CADPS: variants seen among roughly 807,000 people sequenced by gnomAD.
CADPS encodes the protein calcium dependent secretion activator, also known as calcium-dependent secretion activator 1.
Under a neutral mutation model 167.3 loss-of-function variants are expected in CADPS, and 57 were observed. The ratio of observed to expected loss-of-function variants is 0.34; its 90% CI spans 0.28 to 0.42. CADPS has a LOEUF of 0.42. Among genes scored for constraint, CADPS ranks in the 20% least tolerant of loss-of-function variants. The pLI is 1.00. For synonymous variants in CADPS, 676 were observed against 635.3 expected (o/e 1.06, Z -0.96); for missense variants, 1,414 against 1,738.1 (o/e 0.81, Z 3.32).
At chr3:62,729,356 G>A (rs756693714) in intron 3 of CADPS, among the ~76,000 whole-genome samples, 45 of 151,962 alleles carry the variant, frequency 3.0e-4, no homozygotes, top group Admixed American at 8.5e-4. Flanking sequence ...AGGATAGAAG[G>A]CATTTGCAAA....
At chr3:62,414,515 CA>C (rs1377952198) in intron 28 of CADPS, among the ~76,000 whole-genome samples, 2 of 152,214 alleles carry the variant, frequency 1.3e-5, no homozygotes, top group Admixed American at 1.3e-4. Flanking sequence ...TTAAATGCCT[CA>C]AAATGATCTT....
At chr3:62,620,779 C>G (rs1408147253) in intron 6 of CADPS, among the ~76,000 whole-genome samples, 1 of 152,154 alleles carries the variant, frequency 6.6e-6, no homozygotes, top group Non-Finnish European at 1.5e-5. Context: ...CCTTGCTCTC[C>G]CATTAGAGCT....
intron 3 of CADPS, among the ~76,000 whole-genome samples, chr3:62,737,712 T>C (rs149483256): frequency 1.3e-5 from 2 of 152,298 alleles, no homozygotes; most frequent in African/African-American, 4.8e-5. Context: ...CCATCCACAC[T>C]GATCTTATGT....
In CADPS at chr3:62,466,351, G is replaced by T. The variant is rs758318798; in HGVS notation, c.3540C>A (p.Leu1180=). The change falls in exon 25 of 30, where the codon CTC becomes CTA. Residue 1180 remains leucine (L), a synonymous_variant. Transcript: ENST00000383710. ...AGCTGGAGGTTACCTTTGCAACCAA[G>T]AGTGTTATCATTTCTTTAACAGTTT... ...IEETVKEMIT[L]LVAKFVTILE... The T allele has an allele frequency of 1.9e-6, 3 of 1,610,274 alleles. No homozygotes were observed. The highest frequency in any genetic ancestry group is 2.5e-6 in the Non-Finnish European group (3 of 1,176,654).
At chr3:62,512,562 T>C (rs1193259324) in intron 17 of CADPS, among the ~76,000 whole-genome samples, 189 bp downstream of exon 17, 1 of 152,106 alleles carries the variant, frequency 6.6e-6, no homozygotes, top group African/African-American at 2.4e-5. Flanking sequence ...GAAATTCTGC[T>C]CTATAAAGGT....
chr3:62,778,394 A>T (rs1440574891), intron 1 of CADPS, among the ~76,000 whole-genome samples: 1 of 152,196 alleles, frequency 6.6e-6, no homozygotes, highest in Non-Finnish European at 1.5e-5. Context: ...TTAAGCTATT[A>T]ATGCTATTTA....
intron 1 of CADPS, among the ~76,000 whole-genome samples, chr3:62,770,988 C>T (rs1228663885): frequency 6.6e-6 from 1 of 152,130 alleles, no homozygotes; most frequent in African/African-American, 2.4e-5. Flanking sequence ...TGGGTAGTAT[C>T]CCATTTTACA....
At chr3:62,680,079 G>A (rs1344117379) in intron 3 of CADPS, among the ~76,000 whole-genome samples, 7 of 151,974 alleles carry the variant, frequency 4.6e-5, no homozygotes, top group Non-Finnish European at 7.4e-5. Flanking sequence ...AGGGAGCACC[G>A]TAATCAGGTT....
intron 3 of CADPS, among the ~76,000 whole-genome samples, chr3:62,737,256 C>G (rs1354758754): frequency 6.6e-6 from 1 of 152,018 alleles, no homozygotes; most frequent in Admixed American, 6.6e-5. Context: ...CGAGACCAGC[C>G]TGGGTAACAT....
intron 3 of CADPS, among the ~76,000 whole-genome samples, chr3:62,737,701 T>C (rs544391879): frequency 6.6e-6 from 1 of 152,108 alleles, no homozygotes; most frequent in Non-Finnish European, 1.5e-5. Context: ...GTCTCTGTGC[T>C]CCATCCACAC....
intron 1 of CADPS, among the ~76,000 whole-genome samples, chr3:62,836,240 A>G (rs1333151316): frequency 6.6e-6 from 1 of 152,160 alleles, no homozygotes; most frequent in African/African-American, 2.4e-5. Flanking sequence ...GTTCTCAGGG[A>G]ACTTTTTAAA....
At chr3:62,479,142 C>T (rs2061657945) in intron 22 of CADPS, among the ~76,000 whole-genome samples, 1 of 152,186 alleles carries the variant, frequency 6.6e-6, no homozygotes, top group East Asian at 1.9e-4. Context: ...GGCTCAAAAC[C>T]TGAGCTCTTT....
intron 3 of CADPS, among the ~76,000 whole-genome samples, chr3:62,731,659 T>G (rs765834321): frequency 2.0e-5 from 3 of 151,670 alleles, no homozygotes; most frequent in Non-Finnish European, 4.4e-5. Context: ...GCAAATAAAT[T>G]GCAATGTGAG....
chr3:62,524,018 T>C (rs754176861), intron 13 of CADPS, among the ~76,000 whole-genome samples: 3 of 152,242 alleles, frequency 2.0e-5, no homozygotes, highest in Non-Finnish European at 2.9e-5. Context: ...TCTTAGTAGA[T>C]GTTCTTTGCA....
At chr3:62,675,421 T>G (rs2076194666) in intron 3 of CADPS, among the ~76,000 whole-genome samples, 1 of 152,190 alleles carries the variant, frequency 6.6e-6, no homozygotes, top group Admixed American at 6.5e-5. Flanking sequence ...TGGACACTTC[T>G]ACAACTAATT....
intron 1 of CADPS, among the ~76,000 whole-genome samples, chr3:62,813,141 G>A (rs2094461588): frequency 6.6e-6 from 1 of 151,634 alleles, no homozygotes; most frequent in Admixed American, 6.6e-5. Context: ...AATCAAAAAA[G>A]GGCCCAAATA....
intron 21 of CADPS, among the ~76,000 whole-genome samples, chr3:62,486,040 G>A (rs973780365): frequency 6.6e-6 from 1 of 152,082 alleles, no homozygotes; most frequent in African/African-American, 2.4e-5. Context: ...GGTGTCTTTG[G>A]TCTGATGGTT....
chr3:62,590,714 C>T (rs1433388581), intron 7 of CADPS, among the ~76,000 whole-genome samples: 1 of 151,986 alleles, frequency 6.6e-6, no homozygotes, highest in Non-Finnish European at 1.5e-5. Context: ...TGCCTGTGTG[C>T]TTGTCTGGGG....
At chr3:62,543,848 A>G (rs1438241045) in intron 11 of CADPS, among the ~76,000 whole-genome samples, 4 of 152,126 alleles carry the variant, frequency 2.6e-5, no homozygotes, top group Non-Finnish European at 4.4e-5. Flanking sequence ...GTTTTTTCCT[A>G]TATAAATTAA....
Sources: allele counts gnomAD v4.1 joint callset (sites outside exome capture counted in the v4.1 genomes callset), GRCh38; gene constraint gnomAD v4.1.1; transcripts MANE v1.5; gene names NCBI Gene and HGNC (gene_info 2026-07-23, HGNC 2026-07-21).